Variants in SH3BGRL observed in about 807,000 individuals in gnomAD.
SH3BGRL encodes SH3 domain binding glutamate rich protein like, also known as adapter SH3BGRL.
Under a neutral mutation model 9.8 loss-of-function variants are expected in SH3BGRL, and 7 were observed. That is an observed-to-expected ratio of 0.72 (90% CI 0.41 to 1.35). SH3BGRL has a LOEUF of 1.35. SH3BGRL is among the 40% of genes most tolerant of loss of function. SH3BGRL has a pLI of 0.01. For missense variants in SH3BGRL, 73 were observed against 84.4 expected (o/e 0.86, Z 0.53); for synonymous variants, 36 against 29.1 (o/e 1.24, Z -0.76).
At chrX:81,288,033 T>C (rs1383487532) in intron 3 of SH3BGRL, among the ~76,000 whole-genome samples, 1 of 110,420 alleles carries the variant, frequency 9.1e-6, no homozygotes, top group African/African-American at 3.3e-5. Context: ...GATACAAAAT[T>C]TTTCAAAAAT....
At chrX:81,213,452 G>T (rs2075571780) in intron 1 of SH3BGRL, among the ~76,000 whole-genome samples, 1 of 112,220 alleles carries the variant, frequency 8.9e-6, no homozygotes, top group Admixed American at 9.5e-5. Context: ...AAGATAGATG[G>T]CATGTTGCAC....
intron 1 of SH3BGRL, among the ~76,000 whole-genome samples, chrX:81,211,976 G>T (rs1343386184): frequency 1.8e-5 from 2 of 111,797 alleles, no homozygotes; most frequent in Non-Finnish European, 3.8e-5. Context: ...TAAAAATAAT[G>T]AAATCTGATC....
chrX:81,212,498 GA>G, intron 1 of SH3BGRL, among the ~76,000 whole-genome samples: 1 of 111,197 alleles, frequency 9.0e-6, no homozygotes, highest in East Asian at 2.8e-4. Flanking sequence ...AAAATATTGT[GA>G]AAAAAATGTG....
At chrX:81,272,519 G>C in intron 1 of SH3BGRL, among the ~76,000 whole-genome samples, 1 of 44,364 alleles carries the variant, frequency 2.3e-5, no homozygotes, top group East Asian at 7.3e-4. Context: ...TTTTTTTTTT[G>C]AGACAGAGTC....
chrX:81,233,243 GA>G (rs958529875), intron 1 of SH3BGRL, among the ~76,000 whole-genome samples: 4 of 111,592 alleles, frequency 3.6e-5, no homozygotes, highest in African/African-American at 1.3e-4. Context: ...TACACATATT[GA>G]AAAAAATAGT....
chrX:81,240,432 AAATT>A (rs1168907626), intron 1 of SH3BGRL, among the ~76,000 whole-genome samples: 6 of 112,485 alleles, frequency 5.3e-5, no homozygotes, highest in Non-Finnish European at 1.1e-4. Flanking sequence ...AAGAAATAAA[AAATT>A]AATCCCATTT....
chrX:81,281,918 C>A (rs1051492005), intron 3 of SH3BGRL, among the ~76,000 whole-genome samples: 4 of 111,794 alleles, frequency 3.6e-5, no homozygotes, highest in African/African-American at 1.3e-4. Context: ...ACTCGCCAAC[C>A]AACTATCTGC....
intron 1 of SH3BGRL, among the ~76,000 whole-genome samples, chrX:81,274,332 G>T (rs2075790531): frequency 9.0e-6 from 1 of 111,328 alleles, no homozygotes; most frequent in African/African-American, 3.3e-5. Context: ...ACAATAATTG[G>T]CTGGGTGCAG....
At chrX:81,205,850 C>T (rs190961833) in intron 1 of SH3BGRL, among the ~76,000 whole-genome samples, 16 of 110,606 alleles carry the variant, frequency 1.4e-4, no homozygotes, top group African/African-American at 5.3e-4. Flanking sequence ...ACTAGTATTC[C>T]GCTTTCTCAG....
At chrX:81,268,161 AC>A (rs1242182214) in intron 1 of SH3BGRL, among the ~76,000 whole-genome samples, 1 of 110,120 alleles carries the variant, frequency 9.1e-6, no homozygotes, top group Non-Finnish European at 1.9e-5. Flanking sequence ...GTTTCAAAAA[AC>A]CAGCTCCTGG....
At chrX:81,277,773 T>C (rs765072653) in intron 2 of SH3BGRL, among the ~76,000 whole-genome samples, 2 of 111,927 alleles carry the variant, frequency 1.8e-5, no homozygotes, top group Admixed American at 9.5e-5. Flanking sequence ...TTCCATGTGA[T>C]GTGGAATAAA....
chrX:81,233,047 C>T (rs770762308), intron 1 of SH3BGRL, among the ~76,000 whole-genome samples: 2 of 111,237 alleles, frequency 1.8e-5, no homozygotes, highest in African/African-American at 6.5e-5. Flanking sequence ...ATATGATATA[C>T]AACTATATGA....
chrX:81,291,160 T>C (rs1465675783), intron 3 of SH3BGRL, among the ~76,000 whole-genome samples: 1 of 112,027 alleles, frequency 8.9e-6, no homozygotes, highest in Non-Finnish European at 1.9e-5. Flanking sequence ...TTTCCTTTTT[T>C]GACTAGGCAT....
intron 1 of SH3BGRL, chrX:81,202,706 T>C (rs149830892): frequency 0.017 from 4,520 of 258,323 alleles, 35 homozygotes; most frequent in Non-Finnish European, 0.021. Context: ...TACCGAGGCA[T>C]TGTAATTATT....
At chrX:81,231,510 G>C in intron 1 of SH3BGRL, among the ~76,000 whole-genome samples, 1 of 112,165 alleles carries the variant, frequency 8.9e-6, no homozygotes. Context: ...AATCAATTCC[G>C]TCTGAACCTA....
intron 3 of SH3BGRL, among the ~76,000 whole-genome samples, chrX:81,289,531 G>T (rs1238515192): frequency 9.0e-6 from 1 of 111,117 alleles, no homozygotes; most frequent in East Asian, 2.8e-4. Context: ...ATCTGACAGG[G>T]GATCGGTAAC....
intron 1 of SH3BGRL, among the ~76,000 whole-genome samples, chrX:81,209,250 C>T (rs112869158): frequency 0.04 from 4,433 of 110,207 alleles, 100 homozygotes; most frequent in Non-Finnish European, 0.062. Context: ...TAAAGTGATC[C>T]GCCCTCCTCG....
At chrX:81,204,602 A>C (rs992263785) in intron 1 of SH3BGRL, among the ~76,000 whole-genome samples, 8 of 110,818 alleles carry the variant, frequency 7.2e-5, no homozygotes, top group Admixed American at 2.9e-4. Flanking sequence ...AAAAAAAAAA[A>C]CAACAGATGT....
At chrX:81,272,248 A>G (rs2075782993) in intron 1 of SH3BGRL, among the ~76,000 whole-genome samples, 1 of 108,624 alleles carries the variant, frequency 9.2e-6, no homozygotes, top group Admixed American at 9.9e-5. Context: ...GGCAGTATTC[A>G]TTTAAGAATA....
Sources: gnomAD v4.1 joint callset for allele counts (sites outside exome capture counted in the v4.1 genomes callset) on GRCh38, gnomAD v4.1.1 for gene constraint, MANE v1.5 for transcripts, NCBI Gene and HGNC (gene_info 2026-07-23, HGNC 2026-07-21) for gene names.